The following NCR1 variants were observed in gnomAD, a reference collection of about 807,000 sequenced individuals.
NCR1 encodes natural cytotoxicity triggering receptor 1.
In NCR1, 30 loss-of-function variants were observed where a neutral mutation model predicts 32.5. The observed-to-expected ratio is 0.92, with a 90% CI of 0.69 to 1.25. The LOEUF (loss-of-function observed/expected upper bound fraction) is 1.25, where lower values mean the gene tolerates loss of function less well. NCR1 is among the 50% of genes most tolerant of loss of function. The probability of loss-of-function intolerance (pLI) is 0.00; values close to 1 mark genes in which losing one functional copy is unlikely to be tolerated. For synonymous variants in NCR1, 169 were observed against 143.4 expected (o/e 1.18, Z -1.28); for missense variants, 369 against 380.7 (o/e 0.97, Z 0.26).
the NCR1 span, chr19:54,936,239 G>A: frequency 9.7e-5 from 156 of 1,608,478 alleles, no homozygotes; most frequent in East Asian, 3.3e-3. Context: ...GTGCTGGGGA[G>A]AGCCGTGACC....
upstream of NCR1, among the ~76,000 whole-genome samples, chr19:54,903,500 A>G (rs191485822): frequency 7.1e-5 from 10 of 140,976 alleles, 1 homozygote; most frequent in Admixed American, 2.3e-4. Context: ...ACATATATGT[A>G]TGTATACACG....
chr19:54,906,384 G>T (rs757670933), intron 2 of NCR1, 50 bp downstream of exon 2: 3 of 1,608,016 alleles, frequency 1.9e-6, no homozygotes, highest in African/African-American at 1.3e-5. Context: ...TTCAGGCCAA[G>T]CTCCTTCCAC....
chr19:54,923,942 G>A, the NCR1 span: 1 of 1,516,916 alleles, frequency 6.6e-7, no homozygotes, highest in Non-Finnish European at 9.1e-7. Context: ...CTGAATATCT[G>A]TTTTCAAACA....
chr19:54,916,317 C>CTTTGTTTTTTTTTTTTTTTT (rs2068130879), downstream of NCR1, among the ~76,000 whole-genome samples: 1 of 87,124 alleles, frequency 1.1e-5, no homozygotes, highest in African/African-American at 4.5e-5. Context: ...GAATATTGTG[C>CTTTGTTTTTTTTTTTTTTTT]TTTTTTTTTT....
At chr19:54,911,282 G>C (rs2067961010) in intron 5 of NCR1, among the ~76,000 whole-genome samples, 1 of 151,372 alleles carries the variant, frequency 6.6e-6, no homozygotes, top group Non-Finnish European at 1.5e-5. Flanking sequence ...CCGGGAGACG[G>C]AGCTTGCAGT....
At chr19:54,933,664 T>G in the NCR1 span, 1 of 1,614,200 alleles carries the variant, frequency 6.2e-7, no homozygotes, top group Non-Finnish European at 8.5e-7. Flanking sequence ...AGCACAGGTG[T>G]GTCAGCTTCT....
At chr19:54,937,629 G>A in the NCR1 span, among the ~76,000 whole-genome samples, 15 of 152,016 alleles carry the variant, frequency 9.9e-5, no homozygotes, top group Middle Eastern at 3.4e-3. Flanking sequence ...CAGGTGCAGC[G>A]GCTCATGCCT....
At chr19:54,903,489 T>C (rs147035799), upstream of NCR1, among the ~76,000 whole-genome samples, 953 of 122,746 alleles carry the variant, frequency 7.8e-3, 11 homozygotes, top group East Asian at 0.028. Flanking sequence ...TGTATGTATA[T>C]ACATATATGT....
chr19:54,922,757 G>A, the NCR1 span, among the ~76,000 whole-genome samples: 55,995 of 131,584 alleles, frequency 0.43, 11,699 homozygotes, highest in Middle Eastern at 0.53. Flanking sequence ...CAGCATGGGC[G>A]ACAAGAGTGA....
upstream of NCR1, among the ~76,000 whole-genome samples, chr19:54,901,878 G>C (rs1367713623): frequency 2.0e-5 from 3 of 152,212 alleles, no homozygotes; most frequent in Non-Finnish European, 4.4e-5. Context: ...TGAGGCAAGA[G>C]AATTGCTTGA....
chr19:54,927,005 G>A, the NCR1 span, among the ~76,000 whole-genome samples: 2 of 150,466 alleles, frequency 1.3e-5, no homozygotes, highest in African/African-American at 2.4e-5. Context: ...CAGGAAAATC[G>A]CTTCAACCTG....
At chr19:54,899,645 G>A in the NCR1 span, among the ~76,000 whole-genome samples, 1 of 151,832 alleles carries the variant, frequency 6.6e-6, no homozygotes, top group Admixed American at 6.6e-5. Context: ...TGAAGGAGAA[G>A]GGGTTGGGGG....
chr19:54,933,628 T>C, the NCR1 span: 2 of 1,614,184 alleles, frequency 1.2e-6, no homozygotes, highest in South Asian at 1.1e-5. Flanking sequence ...ACTTCACCCC[T>C]GTATCCCCAA....
At chr19:54,917,657 G>T (rs2068162888), downstream of NCR1, among the ~76,000 whole-genome samples, 1 of 152,106 alleles carries the variant, frequency 6.6e-6, no homozygotes, top group Admixed American at 6.5e-5. Context: ...TCTGCTGGGT[G>T]ATTTTGCTCT....
At chr19:54,920,983 C>T (rs1305264129), downstream of NCR1, among the ~76,000 whole-genome samples, 1 of 151,968 alleles carries the variant, frequency 6.6e-6, no homozygotes, top group African/African-American at 2.4e-5. Flanking sequence ...GTCCGCCCCA[C>T]CACCCCACCA....
At chr19:54,930,840 C>T in the NCR1 span, among the ~76,000 whole-genome samples, 1 of 152,040 alleles carries the variant, frequency 6.6e-6, no homozygotes, top group South Asian at 2.1e-4. Flanking sequence ...CTCAGCCTCC[C>T]AAGTAGCTGG....
At chr19:54,916,220 A>T (rs1357072379), downstream of NCR1, 1 of 151,860 alleles carries the variant, frequency 6.6e-6, no homozygotes, top group Non-Finnish European at 1.5e-5. Context: ...AACGGGGAGC[A>T]GGGGTAAAGA....
downstream of NCR1, among the ~76,000 whole-genome samples, chr19:54,913,900 T>G (rs1440750572): frequency 6.6e-6 from 1 of 151,976 alleles, no homozygotes; most frequent in Non-Finnish European, 1.5e-5. Context: ...AAACCACATC[T>G]CTACTAAAAA....
At chr19:54,926,108 G>A in the NCR1 span, among the ~76,000 whole-genome samples, 20 of 151,840 alleles carry the variant, frequency 1.3e-4, no homozygotes, top group South Asian at 4.2e-4. Context: ...AGATATACAC[G>A]GGTCACAACT....
Sources: allele counts gnomAD v4.1 joint callset (sites outside exome capture counted in the v4.1 genomes callset), GRCh38; gene constraint gnomAD v4.1.1; transcripts MANE v1.5; gene names NCBI Gene and HGNC (gene_info 2026-07-23, HGNC 2026-07-21).